PTPRD: variants seen among roughly 807,000 people sequenced by gnomAD.
The protein encoded by PTPRD is receptor-type tyrosine-protein phosphatase delta.
In PTPRD, 34 loss-of-function variants were observed where a neutral mutation model predicts 214.5. That is an observed-to-expected ratio of 0.16 (90% confidence interval 0.12 to 0.21). The LOEUF is 0.21. Among genes scored for constraint, PTPRD ranks in the 10% least tolerant of loss-of-function variants. PTPRD has a pLI of 1.00. For synonymous variants in PTPRD, 1,128 were observed against 845.7 expected (o/e 1.33, Z -5.79); for missense variants, 2,545 against 2,398.7 (o/e 1.06, Z -1.27).
intron 3 of PTPRD, among the ~76,000 whole-genome samples, chr9:10,279,020 C>T (rs1224505229): frequency 1.2e-4 from 18 of 152,230 alleles, no homozygotes; most frequent in East Asian, 5.8e-4. Context: ...GTGATCTGCC[C>T]GCCTTGGCCT....
intron 3 of PTPRD, among the ~76,000 whole-genome samples, chr9:10,098,133 C>CA (rs1386229004): frequency 1.3e-5 from 2 of 151,710 alleles, no homozygotes; most frequent in Admixed American, 6.6e-5. Context: ...GAAAATGTGG[C>CA]ATATATACAC....
At chr9:8,520,864 C>A (rs1169955561) in intron 20 of PTPRD, among the ~76,000 whole-genome samples, 1 of 151,248 alleles carries the variant, frequency 6.6e-6, no homozygotes, top group Non-Finnish European at 1.5e-5. Flanking sequence ...TTTTTTTCTT[C>A]TTTTTCCTTT....
At chr9:9,914,647 C>T (rs1252381121) in intron 5 of PTPRD, among the ~76,000 whole-genome samples, 1 of 152,184 alleles carries the variant, frequency 6.6e-6, no homozygotes, top group Admixed American at 6.5e-5. Flanking sequence ...AGGCAACCCA[C>T]AGCAAACATG....
intron 9 of PTPRD, among the ~76,000 whole-genome samples, chr9:9,351,182 A>G (rs1458866628): frequency 1.3e-5 from 2 of 152,058 alleles, no homozygotes; most frequent in African/African-American, 2.4e-5. Flanking sequence ...CCAAATGTAC[A>G]GATTTGAGTT....
intron 14 of PTPRD, among the ~76,000 whole-genome samples, chr9:8,531,798 A>C (rs1245377333): frequency 1.3e-5 from 2 of 152,112 alleles, no homozygotes; most frequent in African/African-American, 4.8e-5. Flanking sequence ...CCAAAGGCTT[A>C]AGATTGTTAA....
At chr9:9,444,834 C>G (rs1160260532) in intron 8 of PTPRD, among the ~76,000 whole-genome samples, 1 of 152,106 alleles carries the variant, frequency 6.6e-6, no homozygotes, top group Non-Finnish European at 1.5e-5. Flanking sequence ...TACTTGATCT[C>G]TACAACTATT....
intron 5 of PTPRD, among the ~76,000 whole-genome samples, chr9:9,774,107 T>TAGTAA (rs1348785485): frequency 2.0e-5 from 3 of 152,144 alleles, no homozygotes; most frequent in Non-Finnish European, 4.4e-5. Flanking sequence ...CAAAATGAGT[T>TAGTAA]ATACTGACAA....
intron 10 of PTPRD, among the ~76,000 whole-genome samples, chr9:9,042,442 T>C (rs73430147): frequency 0.025 from 3,786 of 152,012 alleles, 157 homozygotes; most frequent in African/African-American, 0.086. Context: ...GGAGTCACAT[T>C]TGAAGTATGA....
intron 8 of PTPRD, among the ~76,000 whole-genome samples, chr9:9,405,086 C>G (rs2072744796): frequency 6.6e-6 from 1 of 152,022 alleles, no homozygotes; most frequent in Admixed American, 6.6e-5. Context: ...AGACACTAAG[C>G]ATTTCTTATA....
chr9:9,904,666 A>T (rs1465623593), intron 5 of PTPRD, among the ~76,000 whole-genome samples: 2 of 152,116 alleles, frequency 1.3e-5, no homozygotes, highest in African/African-American at 4.8e-5. Context: ...GCTCCAAAAA[A>T]GGTGAACCAT....
chr9:10,368,477 T>C (rs911740878), intron 2 of PTPRD, among the ~76,000 whole-genome samples: 3 of 152,114 alleles, frequency 2.0e-5, no homozygotes. Flanking sequence ...TTCTCAGGAA[T>C]ACATTCAATG....
chr9:9,934,361 C>T (rs936371874), intron 5 of PTPRD, among the ~76,000 whole-genome samples: 3 of 149,230 alleles, frequency 2.0e-5, no homozygotes. Flanking sequence ...AGAGAAGAAT[C>T]AAATAGATGC....
intron 8 of PTPRD, among the ~76,000 whole-genome samples, chr9:9,435,592 C>A (rs7022094): frequency 0.029 from 4,385 of 152,104 alleles, 225 homozygotes; most frequent in African/African-American, 0.099. Context: ...GTAAAGATTT[C>A]TTTTATTGGA....
At position 10,231,989 on chromosome 9, in the gene PTPRD, A is replaced by AGAGTGT. The variant is rs1245284728; in HGVS notation, c.-545+108973_-545+108974insACACTC. On this transcript the variant is annotated intron_variant, in intron 3 of 45. Coordinates refer to ENST00000381196, the MANE Select transcript of PTPRD (RefSeq NM_002839.4). ...GAGAGAGAGAGAGAGAGAGAGAGAG[A>AGAGTGT]GTGTGTGTGTGTGTGTGTGTGTGTG... Among the ~76,000 whole-genome samples, 279 of 92,482 alleles carry AGAGTGT rather than the reference A, an allele frequency of 3.0e-3. 1 individual carries two copies. Among genetic ancestry groups the AGAGTGT allele is most frequent in the East Asian group, 9.7e-3 (29 of 2,988 alleles). 60.7% of individuals were successfully genotyped at this position (92,482 alleles called of 152,430 possible). A position where few individuals can be genotyped will look rare whatever the true frequency, so the allele number is the denominator to read the frequency against.
intron 8 of PTPRD, among the ~76,000 whole-genome samples, chr9:9,460,653 T>G (rs1249220155): frequency 6.6e-6 from 1 of 151,920 alleles, no homozygotes; most frequent in Non-Finnish European, 1.5e-5. Context: ...AGAATAACTA[T>G]TATTAAAAAG....
At chr9:9,978,066 G>T (rs1258436667) in intron 4 of PTPRD, among the ~76,000 whole-genome samples, 1 of 151,910 alleles carries the variant, frequency 6.6e-6, no homozygotes, top group East Asian at 1.9e-4. Context: ...TCAGATAGCT[G>T]ATATTGTAGA....
intron 30 of PTPRD, among the ~76,000 whole-genome samples, chr9:8,472,394 C>G (rs759913781): frequency 2.6e-5 from 4 of 152,146 alleles, no homozygotes; most frequent in Non-Finnish European, 5.9e-5. Context: ...AGACCAATCA[C>G]AGAGACCACA....
At chr9:10,417,250 A>G (rs1291301970) in intron 2 of PTPRD, among the ~76,000 whole-genome samples, 1 of 151,986 alleles carries the variant, frequency 6.6e-6, no homozygotes, top group Non-Finnish European at 1.5e-5. Flanking sequence ...AAAATCTTCA[A>G]AACTTATTAC....
At chr9:9,583,283 A>G (rs1005161094) in intron 7 of PTPRD, among the ~76,000 whole-genome samples, 2 of 152,032 alleles carry the variant, frequency 1.3e-5, no homozygotes, top group Non-Finnish European at 2.9e-5. Context: ...TCTTAACTGA[A>G]AATTTATACA....
Sources: gnomAD v4.1 joint callset for allele counts (sites outside exome capture counted in the v4.1 genomes callset) on GRCh38, gnomAD v4.1.1 for gene constraint, MANE v1.5 for transcripts, NCBI Gene and HGNC (gene_info 2026-07-23, HGNC 2026-07-21) for gene names.